Variants in SDK1 observed in about 807,000 individuals in gnomAD.
SDK1 encodes protein sidekick-1.
In SDK1, 157 loss-of-function variants were observed where a neutral mutation model predicts 245.5. The ratio of observed to expected loss-of-function variants is 0.64; its 90% confidence interval spans 0.56 to 0.73. SDK1 has a LOEUF of 0.73. Ranked by LOEUF, SDK1 falls within the 30% of genes least tolerant of loss-of-function variation. The pLI, the probability that SDK1 is intolerant of heterozygous loss-of-function variation, is 0.00. For synonymous variants in SDK1, 1,647 were observed against 1,278.5 expected, an observed-to-expected ratio of 1.29 and a Z score of -6.15; for missense variants, 3,583 against 3,002.3, an observed-to-expected ratio of 1.19 and a Z score of -4.52.
At chr7:3,819,254 G>A (rs1226632832) in intron 4 of SDK1, among the ~76,000 whole-genome samples, 1 of 150,654 alleles carries the variant, frequency 6.6e-6, no homozygotes, top group Admixed American at 6.6e-5. Flanking sequence ...ATGAATTTTG[G>A]CTTAAACCTT....
intron 17 of SDK1, among the ~76,000 whole-genome samples, chr7:4,036,610 A>G (rs1474566229): frequency 6.6e-6 from 1 of 152,174 alleles, no homozygotes; most frequent in Non-Finnish European, 1.5e-5. Flanking sequence ...TGTCCCTCCA[A>G]AATGTGTGTG....
chr7:3,343,012 A>AG (rs760900584), intron 1 of SDK1, among the ~76,000 whole-genome samples: 3 of 151,810 alleles, frequency 2.0e-5, no homozygotes, highest in Non-Finnish European at 1.5e-5. Context: ...GAAAAAAAAA[A>AG]AAAAGCACCA....
At chr7:3,906,617 C>CTTTTTTTTTTTTTTTTTTTTTTTTTTTT (rs71032914) in intron 5 of SDK1, among the ~76,000 whole-genome samples, 1 of 57,192 alleles carries the variant, frequency 1.7e-5, no homozygotes, top group Non-Finnish European at 3.1e-5. Flanking sequence ...ATTTCAGTGT[C>CTTTTTTTTTTTTTTTTTTTTTTTTTTTT]TTTTTTTTTT....
At chr7:3,924,405 G>T (rs1779698716) in intron 5 of SDK1, among the ~76,000 whole-genome samples, 1 of 152,174 alleles carries the variant, frequency 6.6e-6, no homozygotes, top group Non-Finnish European at 1.5e-5. Context: ...ATGAGTGAAT[G>T]GATGGGGTGG....
chr7:3,587,279 A>C (rs1293796823), intron 1 of SDK1, among the ~76,000 whole-genome samples: 1 of 149,566 alleles, frequency 6.7e-6, no homozygotes, highest in Non-Finnish European at 1.5e-5. Flanking sequence ...GTATTAGTCA[A>C]GATTCTCCAG....
intron 17 of SDK1, among the ~76,000 whole-genome samples, chr7:4,044,960 A>G (rs1562720187): frequency 6.6e-6 from 1 of 152,130 alleles, no homozygotes; most frequent in Non-Finnish European, 1.5e-5. Flanking sequence ...CTTGGCAAGC[A>G]CTGCTGTTTT....
intron 19 of SDK1, among the ~76,000 whole-genome samples, chr7:4,056,110 A>T (rs549008370): frequency 1.3e-5 from 2 of 151,096 alleles, no homozygotes; most frequent in East Asian, 3.9e-4. Context: ...TCTCCTTTTC[A>T]ATTGTAAATT....
chr7:4,247,306 C>G (rs749797445), intron 44 of SDK1, among the ~76,000 whole-genome samples: 2 of 152,198 alleles, frequency 1.3e-5, no homozygotes, highest in Non-Finnish European at 2.9e-5. Context: ...TTCTGCTTTG[C>G]TTTGCGTGTT....
intron 1 of SDK1, among the ~76,000 whole-genome samples, chr7:3,536,024 T>C (rs1778875178): frequency 6.6e-6 from 1 of 151,946 alleles, no homozygotes. Context: ...TAAAATCTAA[T>C]TCCCCCCCTG....
At chr7:3,503,664 C>A (rs1008327689) in intron 1 of SDK1, among the ~76,000 whole-genome samples, 1 of 150,632 alleles carries the variant, frequency 6.6e-6, no homozygotes, top group Non-Finnish European at 1.5e-5. Flanking sequence ...GTGATAGAGC[C>A]AGACCTTCAT....
chr7:3,986,146 A>T (rs1478625387), intron 13 of SDK1, among the ~76,000 whole-genome samples: 1 of 152,152 alleles, frequency 6.6e-6, no homozygotes, highest in Non-Finnish European at 1.5e-5. Context: ...CCTTGGTAGA[A>T]ACCATGTAGT....
At chr7:3,906,179 C>G (rs1419142611) in intron 5 of SDK1, among the ~76,000 whole-genome samples, 1 of 152,130 alleles carries the variant, frequency 6.6e-6, no homozygotes, top group Non-Finnish European at 1.5e-5. Flanking sequence ...ATTCCAATGA[C>G]TATATTTTTC....
intron 14 of SDK1, among the ~76,000 whole-genome samples, chr7:3,994,288 A>T (rs1197905215): frequency 2.0e-5 from 3 of 151,988 alleles, no homozygotes; most frequent in Non-Finnish European, 4.4e-5. Flanking sequence ...GGCTTATCAG[A>T]CTCCAACTCT....
At chr7:3,913,619 A>G (rs2128109862) in intron 5 of SDK1, among the ~76,000 whole-genome samples, 1 of 151,696 alleles carries the variant, frequency 6.6e-6, no homozygotes, top group South Asian at 2.1e-4. Context: ...TATTCCCCTC[A>G]TCCATTCTTT....
At chr7:3,311,178 C>T (rs1363298311) in intron 1 of SDK1, among the ~76,000 whole-genome samples, 3 of 151,898 alleles carry the variant, frequency 2.0e-5, no homozygotes, top group South Asian at 4.2e-4. Flanking sequence ...AATTGCAGGG[C>T]GATGGGCCTG....
intron 1 of SDK1, among the ~76,000 whole-genome samples, chr7:3,605,055 C>G (rs983609780): frequency 1.3e-5 from 2 of 149,846 alleles, no homozygotes; most frequent in African/African-American, 4.9e-5. Context: ...AAATTTAGTT[C>G]TTTTAATTTT....
chr7:3,346,587 C>G (rs1170154737), intron 1 of SDK1, among the ~76,000 whole-genome samples: 1 of 150,574 alleles, frequency 6.6e-6, no homozygotes, highest in African/African-American at 2.4e-5. Context: ...GATCATGACT[C>G]AACTGCAGTC....
intron 1 of SDK1, among the ~76,000 whole-genome samples, chr7:3,464,789 A>G (rs1474919236): frequency 6.6e-6 from 1 of 152,020 alleles, no homozygotes; most frequent in Non-Finnish European, 1.5e-5. Flanking sequence ...TCAGTTTAAC[A>G]GGACACACTA....
intron 1 of SDK1, among the ~76,000 whole-genome samples, chr7:3,444,012 A>G (rs1488283492): frequency 1.3e-5 from 2 of 152,266 alleles, no homozygotes; most frequent in African/African-American, 4.8e-5. Flanking sequence ...AAGAAGCAAA[A>G]GGATTCAAGA....
Sources: allele counts gnomAD v4.1 joint callset (sites outside exome capture counted in the v4.1 genomes callset), GRCh38; gene constraint gnomAD v4.1.1; transcripts MANE v1.5; gene names NCBI Gene and HGNC (gene_info 2026-07-23, HGNC 2026-07-21).